HTR4: variants seen among roughly 807,000 people sequenced by gnomAD.
The protein encoded by HTR4 is 5-hydroxytryptamine receptor 4.
HTR4 carries 16 observed loss-of-function variants against 36.8 expected under a neutral mutation model. The ratio of observed to expected loss-of-function variants is 0.43; its 90% confidence interval spans 0.29 to 0.66. The LOEUF is 0.66. Ranked by LOEUF, HTR4 falls within the 30% of genes least tolerant of loss-of-function variation. The pLI, the probability that HTR4 is intolerant of heterozygous loss-of-function variation, is 0.13. For synonymous variants in HTR4, 189 were observed against 185.1 expected (o/e 1.02, Z -0.17); for missense variants, 438 against 490.9 (o/e 0.89, Z 1.02).
chr5:148,486,355 G>A (rs1402754787), intron 6 of HTR4, among the ~76,000 whole-genome samples: 1 of 152,126 alleles, frequency 6.6e-6, no homozygotes, highest in Non-Finnish European at 1.5e-5. Flanking sequence ...CAGTGCACAT[G>A]GCTTTAACAC....
downstream of HTR4, among the ~76,000 whole-genome samples, chr5:148,472,707 C>T (rs564335467): frequency 1.2e-3 from 186 of 151,992 alleles, no homozygotes; most frequent in Non-Finnish European, 5.3e-4. Context: ...AACTGGCAGG[C>T]GATGGAAGAA....
At chr5:148,560,141 T>C (rs191694433) in intron 2 of HTR4, among the ~76,000 whole-genome samples, 28 of 151,536 alleles carry the variant, frequency 1.8e-4, no homozygotes, top group Non-Finnish European at 2.5e-4. Context: ...TTGTACTAAG[T>C]TCTCAGGTCT....
downstream of HTR4, among the ~76,000 whole-genome samples, chr5:148,478,313 AG>A (rs137977633): frequency 0.058 from 8,864 of 152,288 alleles, 356 homozygotes; most frequent in Non-Finnish European, 0.081. Flanking sequence ...AAATCAAGAA[AG>A]AGGACATTCT....
intron 1 of HTR4, among the ~76,000 whole-genome samples, chr5:148,639,321 C>G (rs1753651709): frequency 6.6e-6 from 1 of 152,100 alleles, no homozygotes; most frequent in South Asian, 2.1e-4. Flanking sequence ...CTTACATGAT[C>G]TGGCCCCCAC....
chr5:148,469,327 C>T (rs1989154), intron 5 of HTR4, among the ~76,000 whole-genome samples: 83,157 of 152,046 alleles, frequency 0.55, 24,148 homozygotes, highest in East Asian at 0.8. Flanking sequence ...CTCACTCTAA[C>T]GCTGTACCAC....
intron 1 of HTR4, among the ~76,000 whole-genome samples, chr5:148,640,081 CA>C (rs978992391): frequency 1.2e-4 from 18 of 152,152 alleles, no homozygotes; most frequent in African/African-American, 3.9e-4. Flanking sequence ...AAGTCATACA[CA>C]GCAGCACTTG....
chr5:148,581,028 T>A (rs960517203), intron 2 of HTR4, among the ~76,000 whole-genome samples: 19 of 152,042 alleles, frequency 1.2e-4, no homozygotes, highest in African/African-American at 4.3e-4. Flanking sequence ...CTGTCTTTTT[T>A]TTTTTAATAA....
intron 6 of HTR4, among the ~76,000 whole-genome samples, chr5:148,488,323 G>T (rs976529300): frequency 2.6e-5 from 4 of 152,166 alleles, no homozygotes; most frequent in Non-Finnish European, 5.9e-5. Flanking sequence ...GACTCAGTGT[G>T]GTCCTGCTCT....
Position 148,654,084 on chromosome 5 carries a change from G to C in HTR4, c.-70C>G, listed in dbSNP as rs141718833. 9.1e-6 allele frequency: 9 copies of C among 985,212 alleles called. No individual in the cohort carries two copies. The Admixed American group carries it at 1.8e-4, about 20-fold the overall frequency. The allele number at this position is 985,212 out of a possible 1,614,324, so 61.0% of individuals were successfully genotyped here. A position where few individuals can be genotyped will look rare whatever the true frequency, so the allele number is the denominator to read the frequency against. ...TACCCGCTGCCAGAGGCGAGGGAGC[G>C]AGGTGCCCTGGCAGATTCGAGCGGC... On this transcript the variant is annotated 5_prime_UTR_variant, in exon 1 of 7. Coordinates refer to ENST00000377888, the MANE Select transcript of HTR4 (RefSeq NM_000870.7).
chr5:148,523,435 G>T, intron 4 of HTR4, 89 bp from the exon 5 acceptor site: 1 of 1,082,678 alleles, frequency 9.2e-7, no homozygotes, highest in Non-Finnish European at 1.3e-6. Context: ...GAAAAGGGGA[G>T]GAAGAGGGGA....
downstream of HTR4, among the ~76,000 whole-genome samples, chr5:148,479,231 G>A (rs914522314): frequency 6.6e-6 from 1 of 152,010 alleles, no homozygotes; most frequent in Non-Finnish European, 1.5e-5. Context: ...GGTAGAATCT[G>A]GTAAAATCAC....
At chr5:148,516,583 G>T (rs1272929329) in intron 5 of HTR4, among the ~76,000 whole-genome samples, 1 of 151,120 alleles carries the variant, frequency 6.6e-6, no homozygotes, top group African/African-American at 2.4e-5. Flanking sequence ...CTCCCAAAGT[G>T]CTGGGATTAC....
chr5:148,459,699 A>G (rs952216441), intron 5 of HTR4, among the ~76,000 whole-genome samples: 19 of 152,324 alleles, frequency 1.2e-4, no homozygotes, highest in African/African-American at 4.3e-4. Context: ...CATCATGTGT[A>G]GCTATCAAGA....
Position 148,451,251 on chromosome 5 carries a change from TC to T in HTR4, c.1097del (p.Gly366AspfsTer24), listed in dbSNP as rs1367494276. 6.2e-7 allele frequency: 1 copy of T among 1,613,814 alleles called. No individual in the cohort carries two copies. Among genetic ancestry groups the T allele is most frequent in the Middle Eastern group, 1.7e-4 (1 of 6,056 alleles). ...GCAGTTTCTCGAGTTCCTGATGATG[TC>T]CCCTGTGCAGAACGGTGTACCTAGA... On this transcript the variant is annotated frameshift_variant, in exon 6 of 6. Transcript: ENST00000521530. LOFTEE classifies it high-confidence loss of function.
Position 148,483,016 on chromosome 5 carries a change from C to T in HTR4, c.*187G>A. ...AGTGAACAAGGAGGCCATTATGTCC[C>T]CTGACTCCCTCCAGCGCCACCTGCT... On this transcript the variant is annotated 3_prime_UTR_variant, in exon 7 of 7. Transcript: ENST00000377888. 6.9e-7 allele frequency: 1 copy of T among 1,446,656 alleles called. No homozygotes were observed. Among genetic ancestry groups the T allele is most frequent in the South Asian group, 1.5e-5 (1 of 67,234 alleles). 89.6% of individuals were successfully genotyped at this position (1,446,656 alleles called of 1,614,324 possible). A position where few individuals can be genotyped will look rare whatever the true frequency, so the allele number is the denominator to read the frequency against.
intron 6 of HTR4, among the ~76,000 whole-genome samples, chr5:148,487,916 G>T (rs10076060): frequency 0.46 from 70,619 of 151,976 alleles, 16,816 homozygotes; most frequent in African/African-American, 0.57. Flanking sequence ...TTTATTGGTT[G>T]TCATCACATT....
At chr5:148,541,385 A>G (rs997530138) in intron 4 of HTR4, among the ~76,000 whole-genome samples, 1 of 152,230 alleles carries the variant, frequency 6.6e-6, no homozygotes, top group African/African-American at 2.4e-5. Context: ...ACACGAATAG[A>G]TAAGATAAGG....
Position 148,550,253 on chromosome 5 carries a change from C to G in HTR4, c.36G>C (p.Glu12Asp), listed in dbSNP as rs758999008. ...CCACCTTCTCCACTGACCCGAAACC[C>G]TCCTCAGAACTGAAAGACACACACA... The part of the protein sequence containing the change: ...DKLDANVSSE[E>D]GFGSVEKVVL... Residue 12 changes from glutamate (E) to aspartate (D), a missense_variant, in exon 3 of 7, where the codon GAG (glutamate) becomes GAC (aspartate). Transcript: ENST00000377888. The G allele has an allele frequency of 6.2e-7, 1 of 1,614,078 alleles. No individual in the cohort carries two copies. The highest frequency in any genetic ancestry group is 8.5e-7 in the Non-Finnish European group (1 of 1,179,994).
chr5:148,626,632 C>T (rs1287433691), intron 2 of HTR4, among the ~76,000 whole-genome samples: 3 of 152,170 alleles, frequency 2.0e-5, no homozygotes, highest in African/African-American at 7.2e-5. Context: ...CCTTTGGATA[C>T]TTCCTAATTA....
Sources: gnomAD v4.1 joint callset for allele counts (sites outside exome capture counted in the v4.1 genomes callset) on GRCh38, gnomAD v4.1.1 for gene constraint, MANE v1.5 for transcripts, NCBI Gene and HGNC (gene_info 2026-07-23, HGNC 2026-07-21) for gene names.